SLC5A4: variants seen among roughly 807,000 people sequenced by gnomAD.
SLC5A4 encodes solute carrier family 5 member 4.
SLC5A4 carries 55 observed loss-of-function variants against 70.3 expected under a neutral mutation model. The observed-to-expected ratio is 0.78, with a 90% CI of 0.63 to 0.98. The LOEUF (loss-of-function observed/expected upper bound fraction) is 0.98, where lower values mean the gene tolerates loss of function less well. Ranked by LOEUF, SLC5A4 falls within the 50% of genes least tolerant of loss-of-function variation. SLC5A4 has a pLI of 0.00. For synonymous variants in SLC5A4, 268 were observed against 305.7 expected, an observed-to-expected ratio of 0.88 and a Z score of 1.29; for missense variants, 735 against 839.2, an observed-to-expected ratio of 0.88 and a Z score of 1.53.
chr22:32,299,086 C>T, the SLC5A4 span, among the ~76,000 whole-genome samples: 3 of 134,876 alleles, frequency 2.2e-5, no homozygotes, highest in East Asian at 6.5e-4. Flanking sequence ...CTGCCCTTAA[C>T]ATTTTTTCCT....
the SLC5A4 span, among the ~76,000 whole-genome samples, chr22:32,315,207 C>A: frequency 6.6e-6 from 1 of 151,946 alleles, no homozygotes; most frequent in African/African-American, 2.4e-5. Flanking sequence ...CAGCAATGAG[C>A]ACAGAATTTG....
chr22:32,250,038 C>T (rs1927051239), intron 3 of SLC5A4, among the ~76,000 whole-genome samples: 1 of 152,048 alleles, frequency 6.6e-6, no homozygotes, highest in Admixed American at 6.5e-5. Context: ...GGGCTGGACA[C>T]ATAGTGGGGA....
At chr22:32,284,987 C>T in the SLC5A4 span, 3 of 152,038 alleles carry the variant, frequency 2.0e-5, no homozygotes, top group Non-Finnish European at 4.4e-5. Context: ...GCTGCAGATA[C>T]AAGACTTTGG....
chr22:32,292,157 T>C, the SLC5A4 span, among the ~76,000 whole-genome samples: 3 of 53,982 alleles, frequency 5.6e-5, no homozygotes, highest in Non-Finnish European at 1.1e-4. Flanking sequence ...CTATATATTA[T>C]ATATATAATA....
chr22:32,277,006 A>T, the SLC5A4 span: 1 of 152,208 alleles, frequency 6.6e-6, no homozygotes, highest in African/African-American at 2.4e-5. Flanking sequence ...CTGATGATTT[A>T]AAATACTTAT....
the SLC5A4 span, among the ~76,000 whole-genome samples, chr22:32,350,975 C>T: frequency 6.6e-6 from 1 of 151,852 alleles, no homozygotes; most frequent in Non-Finnish European, 1.5e-5. Context: ...ACTGCAGGTT[C>T]TTAAAGGCAA....
the SLC5A4 span, among the ~76,000 whole-genome samples, chr22:32,351,695 G>A: frequency 1.3e-3 from 139 of 107,396 alleles, no homozygotes; most frequent in Non-Finnish European, 2.1e-3. Context: ...GCAAGATTCC[G>A]TCGGGGCGGG....
At chr22:32,278,064 A>AT in the SLC5A4 span, among the ~76,000 whole-genome samples, 1 of 152,126 alleles carries the variant, frequency 6.6e-6, no homozygotes, top group African/African-American at 2.4e-5. Context: ...ATCATCTCTT[A>AT]TATGGGACTA....
the SLC5A4 span, among the ~76,000 whole-genome samples, chr22:32,318,143 T>C: frequency 6.6e-6 from 1 of 152,048 alleles, no homozygotes; most frequent in Admixed American, 6.5e-5. Context: ...CCCTTGTTGG[T>C]CCGTCCACAT....
the SLC5A4 span, chr22:32,272,414 T>C: frequency 3.3e-6 from 3 of 901,438 alleles, no homozygotes; most frequent in Middle Eastern, 2.1e-4. Context: ...ATGGCCTTCA[T>C]GGTCGACAGG....
the SLC5A4 span, among the ~76,000 whole-genome samples, chr22:32,303,693 A>T: frequency 6.6e-5 from 10 of 152,186 alleles, no homozygotes; most frequent in Admixed American, 6.5e-4. Context: ...CACGGTTTAT[A>T]TCTGTCCACC....
the SLC5A4 span, among the ~76,000 whole-genome samples, chr22:32,297,307 A>T: frequency 6.7e-6 from 1 of 150,074 alleles, no homozygotes; most frequent in African/African-American, 2.5e-5. Flanking sequence ...TTGGTAAGCT[A>T]TTGATTATTG....
chr22:32,313,054 G>GA, the SLC5A4 span, among the ~76,000 whole-genome samples: 6 of 151,706 alleles, frequency 4.0e-5, no homozygotes, highest in South Asian at 4.2e-4. Context: ...AATAAGGCAA[G>GA]AAAAAAAAGC....
chr22:32,309,039 T>G, the SLC5A4 span, among the ~76,000 whole-genome samples: 1 of 152,118 alleles, frequency 6.6e-6, no homozygotes, highest in African/African-American at 2.4e-5. Context: ...CCTGTGTTCA[T>G]GTTATGCTAA....
intron 13 of SLC5A4, 143 bp downstream of exon 13, chr22:32,224,124 G>A (rs1455621493): frequency 9.4e-6 from 6 of 639,312 alleles, no homozygotes; most frequent in Admixed American, 5.3e-5. Flanking sequence ...GTTTCACCGT[G>A]TTAACCAGGA....
At chr22:32,240,712 T>G (rs547063902) in intron 5 of SLC5A4, among the ~76,000 whole-genome samples, 1 of 152,240 alleles carries the variant, frequency 6.6e-6, no homozygotes, top group South Asian at 2.1e-4. Context: ...CCAAACTACC[T>G]GTCAGGTAGG....
chr22:32,319,973 C>T, the SLC5A4 span, among the ~76,000 whole-genome samples: 1 of 152,080 alleles, frequency 6.6e-6, no homozygotes, highest in Admixed American at 6.5e-5. Flanking sequence ...CTCAACTCTA[C>T]AGAAACCAGG....
At chr22:32,322,700 TTC>T in the SLC5A4 span, among the ~76,000 whole-genome samples, 1 of 151,882 alleles carries the variant, frequency 6.6e-6, no homozygotes, top group African/African-American at 2.4e-5. Context: ...CACAAATGGG[TTC>T]TGAGAAGTGC....
chr22:32,326,966 T>G, the SLC5A4 span, among the ~76,000 whole-genome samples: 1 of 152,176 alleles, frequency 6.6e-6, no homozygotes, highest in African/African-American at 2.4e-5. Flanking sequence ...CCCCGCAGCC[T>G]CCAGCAGGGC....
Sources: gnomAD v4.1 joint callset for allele counts (sites outside exome capture counted in the v4.1 genomes callset) on GRCh38, gnomAD v4.1.1 for gene constraint, MANE v1.5 for transcripts, NCBI Gene and HGNC (gene_info 2026-07-23, HGNC 2026-07-21) for gene names.